SPARCL1: variants seen among roughly 807,000 people sequenced by gnomAD.
SPARCL1 encodes the protein SPARC-like protein 1.
In SPARCL1, 52 loss-of-function variants were observed where a neutral mutation model predicts 67.1. The observed-to-expected ratio is 0.78, with a 90% CI of 0.62 to 0.98. SPARCL1 has a LOEUF of 0.98. Among genes scored for constraint, SPARCL1 ranks in the 50% least tolerant of loss-of-function variants. The pLI, the probability that SPARCL1 is intolerant of heterozygous loss-of-function variation, is 0.00. For synonymous variants in SPARCL1, 226 were observed against 267.8 expected (o/e 0.84, Z 1.52); for missense variants, 717 against 782.4 (o/e 0.92, Z 1.00).
At position 87,479,449 on chromosome 4, in the gene SPARCL1, G is replaced by C; in HGVS notation, c.1947C>G (p.His649Gln). The C allele has an allele frequency of 2.5e-6, 4 of 1,613,576 alleles. No individual in the cohort carries two copies. The highest frequency in any genetic ancestry group is 3.4e-6 in the Non-Finnish European group (4 of 1,179,966). The change falls in exon 10 of 11, where the codon CAC becomes CAG. Residue 649 changes from histidine to glutamine, a missense_variant. Transcript: ENST00000282470. ...ATTTACCTTCTTTAATTCCAAAGCAGTGGCCCCACTCCTTCAGGGTGATGT... is the reference window on the plus strand; with the variant it reads ...ATTTACCTTCTTTAATTCCAAAGCACTGGCCCCACTCCTTCAGGGTGATGT... The part of the protein sequence containing the change: ...DKHITLKEWG[H>Q]CFGIKEEDID...
At chr4:87,523,766 C>G (rs1725919955) in intron 1 of SPARCL1, among the ~76,000 whole-genome samples, 1 of 151,918 alleles carries the variant, frequency 6.6e-6, no homozygotes, top group Admixed American at 6.6e-5. Context: ...GTATGTGAAC[C>G]ATAGATTAAA....
At chr4:87,515,137 T>C (rs1725528384) in intron 1 of SPARCL1, among the ~76,000 whole-genome samples, 1 of 152,218 alleles carries the variant, frequency 6.6e-6, no homozygotes, top group South Asian at 2.1e-4. Flanking sequence ...ATCAATATTA[T>C]TTTGCTCAAA....
At chr4:87,499,870 C>A (rs1428246889) in intron 1 of SPARCL1, among the ~76,000 whole-genome samples, 1 of 148,096 alleles carries the variant, frequency 6.8e-6, no homozygotes, top group Non-Finnish European at 1.5e-5. Flanking sequence ...GATCTCAGGT[C>A]TTAAGATTCA....
intron 4 of SPARCL1, among the ~76,000 whole-genome samples, chr4:87,492,986 C>T (rs185630323): frequency 5.9e-5 from 9 of 152,314 alleles, no homozygotes; most frequent in Non-Finnish European, 1.0e-4. Context: ...ACTGGTGATT[C>T]AACTCGAAAA....
At chr4:87,503,493 G>A (rs1476528998) in intron 1 of SPARCL1, among the ~76,000 whole-genome samples, 1 of 151,882 alleles carries the variant, frequency 6.6e-6, no homozygotes, top group East Asian at 1.9e-4. Context: ...CATTATTCTG[G>A]AATTTTAGCA....
chr4:87,481,237 C>G (rs1294652358), intron 8 of SPARCL1, among the ~76,000 whole-genome samples: 1 of 152,188 alleles, frequency 6.6e-6, no homozygotes, highest in Non-Finnish European at 1.5e-5. Flanking sequence ...AATCCCTCTC[C>G]TCTGGGTGGG....
Position 87,491,607 on chromosome 4 carries a change from T to C in SPARCL1, c.1291+11A>G. ...ATATAGTCACAAACAGCTTGCTTCA[T>C]GCATACTCACCCACAGCATGCACCC... is the stretch of plus-strand genomic sequence containing the variant. On this transcript the variant is annotated intron_variant, in intron 5 of 10. Coordinates refer to ENST00000282470, the MANE Select transcript of SPARCL1 (RefSeq NM_004684.6). 6.2e-7 allele frequency: 1 copy of C among 1,606,306 alleles called. No individual in the cohort carries two copies. Among genetic ancestry groups the C allele is most frequent in the Non-Finnish European group, 8.5e-7 (1 of 1,173,054 alleles).
intron 1 of SPARCL1, among the ~76,000 whole-genome samples, chr4:87,501,834 T>A (rs1724863980): frequency 6.6e-6 from 1 of 152,188 alleles, no homozygotes; most frequent in Non-Finnish European, 1.5e-5. Flanking sequence ...CTTTTCTTTC[T>A]AGAATTTATA....
Position 87,480,400 on chromosome 4 carries a change from T to C in SPARCL1, c.1789A>G (p.Ser597Gly). ...TCCATAGGGTGTTGGTCAAGTTCAC[T>C]AAACTGCCAGTGCACAGGATACACA... ...MYVYPVHWQF[S>G]ELDQHPMDRV... Residue 597 changes from serine to glycine, a missense_variant, in exon 9 of 11, where the codon AGT becomes GGT. Transcript: ENST00000282470. 1.2e-6 allele frequency: 2 copies of C among 1,608,312 alleles called. No homozygotes were observed. The highest frequency in any genetic ancestry group is 1.7e-6 in the Non-Finnish European group (2 of 1,177,358).
chr4:87,490,381 C>A lies in SPARCL1; in HGVS notation c.1423G>T (p.Asp475Tyr). 6.2e-7 allele frequency: 1 copy of A among 1,608,942 alleles called. No individual in the cohort carries two copies. The highest frequency in any genetic ancestry group is 1.1e-5 in the South Asian group (1 of 89,790). ...CAGGAACTAGCATAGGTCTGATTGT[C>A]AGTGCCACAAACCTATGGAAGATAA... ...TKPLDQVCGT[D>Y]NQTYASSCHL... The change falls in exon 7 of 11, where the codon GAC (aspartate) becomes TAC (tyrosine). Residue 475 changes from aspartate to tyrosine, a missense_variant. Coordinates refer to ENST00000282470, the MANE Select transcript of SPARCL1 (RefSeq NM_004684.6).
In SPARCL1 at chr4:87,497,170, C is replaced by T. The variant is rs146404928; in HGVS notation, c.55-2043G>A. The stretch of plus-strand genomic sequence containing the variant: ...GTGCTGGGATTACAGATGTGAGCCA[C>T]GGCTTCTGGCCAAAGTACAGGATTC... On this transcript the variant is annotated intron_variant, in intron 2 of 10. Transcript: ENST00000282470. The T allele has an allele frequency of 1.3e-4, 128 of 983,146 alleles. No individual in the cohort carries two copies. In the African/African-American group the frequency reaches 2.1e-3, roughly 16 times the overall value. 60.9% of individuals were successfully genotyped at this position (983,146 alleles called of 1,614,324 possible). A position where few individuals can be genotyped will look rare whatever the true frequency, so the allele number is the denominator to read the frequency against.
At chr4:87,524,765 A>C (rs975736519) in intron 1 of SPARCL1, among the ~76,000 whole-genome samples, 7 of 152,218 alleles carry the variant, frequency 4.6e-5, no homozygotes, top group Admixed American at 3.3e-4. Context: ...CGAAGTGAGC[A>C]GCAGGACCTA....
At chr4:87,511,241 C>G (rs549760327) in intron 1 of SPARCL1, among the ~76,000 whole-genome samples, 1 of 152,124 alleles carries the variant, frequency 6.6e-6, no homozygotes, top group African/African-American at 2.4e-5. Flanking sequence ...AAAAAAAGAA[C>G]AGATAAAACT....
At chr4:87,482,302 C>T (rs1406597846) in intron 8 of SPARCL1, 122 bp downstream of exon 8, 13 of 1,006,782 alleles carry the variant, frequency 1.3e-5, no homozygotes, top group East Asian at 1.0e-4. Flanking sequence ...ATGGGCTAAC[C>T]GGGCATGGGG....
intron 1 of SPARCL1, among the ~76,000 whole-genome samples, chr4:87,508,302 G>A (rs1725192567): frequency 6.6e-6 from 1 of 151,604 alleles, no homozygotes. Context: ...GCCCAAGCAT[G>A]CTCCCACCTC....
intron 1 of SPARCL1, among the ~76,000 whole-genome samples, chr4:87,522,071 T>C (rs1223419571): frequency 1.3e-5 from 2 of 152,228 alleles, no homozygotes; most frequent in Non-Finnish European, 2.9e-5. Flanking sequence ...TGCTGTTACC[T>C]GATCCAGTGT....
chr4:87,501,224 G>A (rs1005732037), intron 1 of SPARCL1, among the ~76,000 whole-genome samples: 1 of 152,076 alleles, frequency 6.6e-6, no homozygotes, highest in Non-Finnish European at 1.5e-5. Context: ...GTGTATCTCC[G>A]GCTGCTGGGC....
chr4:87,503,152 G>A (rs971366173), intron 1 of SPARCL1, among the ~76,000 whole-genome samples: 5 of 152,318 alleles, frequency 3.3e-5, no homozygotes, highest in Admixed American at 3.3e-4. Flanking sequence ...AAACATGGAA[G>A]TCCCCTGGCT....
intron 7 of SPARCL1, among the ~76,000 whole-genome samples, chr4:87,489,153 T>G (rs1041646284): frequency 6.6e-6 from 1 of 152,152 alleles, no homozygotes; most frequent in African/African-American, 2.4e-5. Flanking sequence ...AAAACTCCTG[T>G]AGCTAGCTCG....
Sources: gnomAD v4.1 joint callset for allele counts (sites outside exome capture counted in the v4.1 genomes callset) on GRCh38, gnomAD v4.1.1 for gene constraint, MANE v1.5 for transcripts, NCBI Gene and HGNC (gene_info 2026-07-23, HGNC 2026-07-21) for gene names.